PRKCA: variants seen among roughly 807,000 people sequenced by gnomAD.
The protein encoded by PRKCA is protein kinase C alpha type.
A neutral mutation model predicts 87.0 loss-of-function variants in PRKCA; 27 were observed. The ratio of observed to expected loss-of-function variants is 0.31; its 90% confidence interval spans 0.23 to 0.43. PRKCA has a LOEUF of 0.43. Among genes scored for constraint, PRKCA ranks in the 20% least tolerant of loss-of-function variants. The probability of loss-of-function intolerance (pLI) is 1.00; values close to 1 mark genes in which losing one functional copy is unlikely to be tolerated. For missense variants in PRKCA, 518 were observed against 852.3 expected (o/e 0.61, Z 4.88); for synonymous variants, 329 against 311.1 (o/e 1.06, Z -0.61).
intron 2 of PRKCA, chr17:66,412,655 TTG>T (rs1466487727): frequency 6.6e-6 from 1 of 152,174 alleles, no homozygotes; most frequent in Non-Finnish European, 1.5e-5. Flanking sequence ...TGTCCTTCCT[TTG>T]TGAATTTCCC....
chr17:66,643,504 T>A (rs1222649763), intron 4 of PRKCA, among the ~76,000 whole-genome samples: 1 of 152,250 alleles, frequency 6.6e-6, no homozygotes, highest in Non-Finnish European at 1.5e-5. Flanking sequence ...TAGCTGAGTT[T>A]ATGCTAATAA....
At chr17:66,435,147 T>C (rs1253750222) in intron 2 of PRKCA, among the ~76,000 whole-genome samples, 1 of 152,192 alleles carries the variant, frequency 6.6e-6, no homozygotes, top group Non-Finnish European at 1.5e-5. Context: ...CAGAATGCAA[T>C]AGACGCTTTT....
At chr17:66,567,830 C>G (rs1410261492) in intron 3 of PRKCA, among the ~76,000 whole-genome samples, 1 of 152,154 alleles carries the variant, frequency 6.6e-6, no homozygotes, top group African/African-American at 2.4e-5. Context: ...AAGTGAAAAT[C>G]AGATGGGAAG....
chr17:66,715,103 CG>C (rs1973441019), intron 8 of PRKCA, among the ~76,000 whole-genome samples: 1 of 150,242 alleles, frequency 6.7e-6, no homozygotes, highest in Non-Finnish European at 1.5e-5. Flanking sequence ...TCCAGCATTT[CG>C]GGGATAGGAT....
chr17:66,438,246 G>A (rs533484532), intron 2 of PRKCA, among the ~76,000 whole-genome samples: 1 of 152,272 alleles, frequency 6.6e-6, no homozygotes, highest in South Asian at 2.1e-4. Flanking sequence ...TGACAGTCCT[G>A]AGGAACTGTA....
chr17:66,536,615 G>A (rs978573152), intron 3 of PRKCA, among the ~76,000 whole-genome samples: 24 of 152,196 alleles, frequency 1.6e-4, no homozygotes, highest in Admixed American at 1.6e-3. Context: ...GCTGCAGAAG[G>A]GGGGATGCTG....
chr17:66,564,934 C>T (rs1282096494), intron 3 of PRKCA, among the ~76,000 whole-genome samples: 1 of 152,102 alleles, frequency 6.6e-6, no homozygotes, highest in Non-Finnish European at 1.5e-5. Flanking sequence ...GAGCCAAGAT[C>T]ACGCCACTGC....
intron 2 of PRKCA, among the ~76,000 whole-genome samples, chr17:66,387,637 A>G (rs1308567588): frequency 6.6e-6 from 1 of 152,144 alleles, no homozygotes; most frequent in Non-Finnish European, 1.5e-5. Flanking sequence ...TTGCTTTGCT[A>G]CTTCTTAGTT....
At chr17:66,542,088 A>G (rs543224731) in intron 3 of PRKCA, among the ~76,000 whole-genome samples, 1 of 152,336 alleles carries the variant, frequency 6.6e-6, no homozygotes, top group South Asian at 2.1e-4. Flanking sequence ...AAGTCATTTC[A>G]TGCTTTTAAA....
intron 5 of PRKCA, among the ~76,000 whole-genome samples, chr17:66,652,735 A>G (rs1352491499): frequency 6.6e-6 from 1 of 152,120 alleles, no homozygotes; most frequent in Non-Finnish European, 1.5e-5. Flanking sequence ...GTTTCAGTTG[A>G]TCGTATTTAA....
intron 8 of PRKCA, among the ~76,000 whole-genome samples, chr17:66,706,311 C>T (rs1206811972): frequency 1.4e-5 from 2 of 145,628 alleles, no homozygotes; most frequent in East Asian, 3.8e-4. Context: ...CACCCAACCA[C>T]CTGCTTTTGT....
intron 2 of PRKCA, among the ~76,000 whole-genome samples, chr17:66,459,072 T>TAA (rs900584988): frequency 6.8e-6 from 1 of 146,876 alleles, no homozygotes; most frequent in South Asian, 2.2e-4. Flanking sequence ...TATTGTTAAG[T>TAA]AAAAAAAAAA....
At chr17:66,691,668 C>T (rs779437447) in intron 8 of PRKCA, among the ~76,000 whole-genome samples, 2 of 152,206 alleles carry the variant, frequency 1.3e-5, no homozygotes, top group Non-Finnish European at 2.9e-5. Flanking sequence ...CATTCTTCAG[C>T]TGTCTCAGGC....
At chr17:66,304,879 A>AGGT (rs1028113914) in intron 1 of PRKCA, among the ~76,000 whole-genome samples, 391 of 10,616 alleles carry the variant, frequency 0.037, 2 homozygotes, top group Non-Finnish European at 0.038. Context: ...TTTGGTTAAG[A>AGGT]GGAGGTCAGC....
At chr17:66,638,783 G>A (rs904778938) in intron 3 of PRKCA, among the ~76,000 whole-genome samples, 1 of 152,090 alleles carries the variant, frequency 6.6e-6, no homozygotes. Context: ...GGGAGGCAGA[G>A]CTTGCAGTGA....
chr17:66,393,695 C>T (rs530188265), intron 2 of PRKCA, among the ~76,000 whole-genome samples: 1 of 151,738 alleles, frequency 6.6e-6, no homozygotes, highest in Admixed American at 6.6e-5. Flanking sequence ...CTTCTGGGGA[C>T]CACCCCAGGA....
At position 66,372,439 on chromosome 17, in the gene PRKCA, A is replaced by T. The variant is rs1011772677; in HGVS notation, c.205+66312A>T. On this transcript the variant is annotated intron_variant, in intron 2 of 16. Coordinates refer to ENST00000413366, the MANE Select transcript of PRKCA (RefSeq NM_002737.3). ...ACTGATGAATCACTAGGTTTTTTTTAAATGTAAGCAGTGATACATCCACAA... is the reference window on the plus strand; with the variant it reads ...ACTGATGAATCACTAGGTTTTTTTTTAATGTAAGCAGTGATACATCCACAA... 6.6e-5 allele frequency among the ~76,000 whole-genome samples: 10 copies of T among 152,098 alleles called. No individual in the cohort carries two copies. In the East Asian group the frequency reaches 1.7e-3, roughly 26 times the overall value.
At position 66,376,568 on chromosome 17, in the gene PRKCA, G is replaced by A. The variant is rs192904809; in HGVS notation, c.205+70441G>A. On this transcript the variant is annotated intron_variant, in intron 2 of 16. Transcript: ENST00000413366. ...GACTGCACAGAGGCTGCAGTGAGCC[G>A]AGATCATGCCACTGCACTTCAGCCT... 5.6e-3 allele frequency among the ~76,000 whole-genome samples: 848 copies of A among 151,866 alleles called. 5 individuals are homozygous for A. Among genetic ancestry groups the A allele is most frequent in the Middle Eastern group, 0.01 (3 of 294 alleles).
At chr17:66,781,864 G>GATATATATATAT (rs1474229305) in intron 14 of PRKCA, among the ~76,000 whole-genome samples, 3 of 117,378 alleles carry the variant, frequency 2.6e-5, no homozygotes, top group East Asian at 2.4e-4. Context: ...GAGAGAGAGA[G>GATATATATATAT]AGAGATATAT....
Sources: gnomAD v4.1 joint callset for allele counts (sites outside exome capture counted in the v4.1 genomes callset) on GRCh38, gnomAD v4.1.1 for gene constraint, MANE v1.5 for transcripts, NCBI Gene and HGNC (gene_info 2026-07-23, HGNC 2026-07-21) for gene names.